EEPD1: variants seen among roughly 807,000 people sequenced by gnomAD.
EEPD1 encodes the protein endonuclease/exonuclease/phosphatase family domain containing 1.
A neutral mutation model predicts 46.3 loss-of-function variants in EEPD1; 17 were observed. The observed-to-expected ratio is 0.37, with a 90% CI of 0.25 to 0.55. EEPD1 has a LOEUF of 0.55. EEPD1 is among the 20% of genes least tolerant of loss of function. The pLI, the probability that EEPD1 is intolerant of heterozygous loss-of-function variation, is 0.83. For missense variants in EEPD1, 673 were observed against 745.6 expected (o/e 0.90, Z 1.13); for synonymous variants, 313 against 315.6 (o/e 0.99, Z 0.09).
intron 3 of EEPD1, among the ~76,000 whole-genome samples, chr7:36,262,975 G>A (rs1786954205): frequency 1.3e-5 from 2 of 152,100 alleles, no homozygotes; most frequent in African/African-American, 4.8e-5. Flanking sequence ...GCTCTCTCCT[G>A]TCCTGCTCAT....
intron 6 of EEPD1, among the ~76,000 whole-genome samples, chr7:36,288,565 A>C (rs1787374463): frequency 6.6e-6 from 1 of 152,116 alleles, no homozygotes; most frequent in Non-Finnish European, 1.5e-5. Context: ...GTTCAAGAGC[A>C]GCTTGGGCAA....
At chr7:36,266,822 AG>A (rs1315543334) in intron 3 of EEPD1, among the ~76,000 whole-genome samples, 1 of 152,136 alleles carries the variant, frequency 6.6e-6, no homozygotes, top group Admixed American at 6.5e-5. Context: ...GTGCAAATGG[AG>A]TCATACAATA....
chr7:36,287,345 A>G (rs1171858040), intron 5 of EEPD1, among the ~76,000 whole-genome samples: 2 of 152,016 alleles, frequency 1.3e-5, no homozygotes, highest in East Asian at 1.9e-4. Flanking sequence ...GAAAGAAAAA[A>G]ACTCAAACAT....
At chr7:36,195,918 C>T (rs1208904072) in intron 2 of EEPD1, among the ~76,000 whole-genome samples, 1 of 152,110 alleles carries the variant, frequency 6.6e-6, no homozygotes, top group Non-Finnish European at 1.5e-5. Context: ...TGTCCTTAGG[C>T]GATTTCTTCA....
At chr7:36,242,972 A>C (rs1317376747) in intron 3 of EEPD1, among the ~76,000 whole-genome samples, 1 of 152,140 alleles carries the variant, frequency 6.6e-6, no homozygotes, top group Non-Finnish European at 1.5e-5. Flanking sequence ...GAATAAGATG[A>C]GTTCCTAAAG....
chr7:36,196,532 C>G (rs1033313284), intron 2 of EEPD1, among the ~76,000 whole-genome samples: 76 of 152,338 alleles, frequency 5.0e-4, no homozygotes, highest in Non-Finnish European at 9.3e-4. Flanking sequence ...CTGCGTCAGC[C>G]TGCCCAGTGC....
At chr7:36,230,155 C>T (rs1338874961) in intron 2 of EEPD1, among the ~76,000 whole-genome samples, 1 of 152,056 alleles carries the variant, frequency 6.6e-6, no homozygotes, top group African/African-American at 2.4e-5. Context: ...CAGGCCCTAC[C>T]AGCTGCTCAC....
chr7:36,206,436 G>T (rs531659872), intron 2 of EEPD1, among the ~76,000 whole-genome samples: 1 of 151,906 alleles, frequency 6.6e-6, no homozygotes, highest in Non-Finnish European at 1.5e-5. Flanking sequence ...CATTCTTTTT[G>T]TGTACTCTTC....
chr7:36,195,213 C>T (rs1410304116), intron 2 of EEPD1, among the ~76,000 whole-genome samples: 1 of 152,184 alleles, frequency 6.6e-6, no homozygotes, highest in Non-Finnish European at 1.5e-5. Flanking sequence ...AGACCAGACA[C>T]ATGCTGAGAC....
At chr7:36,289,872 C>G (rs1787401649) in intron 6 of EEPD1, among the ~76,000 whole-genome samples, 1 of 152,262 alleles carries the variant, frequency 6.6e-6, no homozygotes, top group Non-Finnish European at 1.5e-5. Flanking sequence ...ATCCATTCAT[C>G]TTCTGATAGA....
intron 2 of EEPD1, among the ~76,000 whole-genome samples, chr7:36,160,683 C>CGGGG (rs78161290): frequency 3.2e-5 from 4 of 126,386 alleles, no homozygotes; most frequent in African/African-American, 9.2e-5. Context: ...TGGTGGGGGG[C>CGGGG]GGGGCGTGCA....
chr7:36,262,926 A>C (rs900269169), intron 3 of EEPD1, among the ~76,000 whole-genome samples: 2 of 152,098 alleles, frequency 1.3e-5, no homozygotes, highest in African/African-American at 2.4e-5. Context: ...CCATCACCTG[A>C]TGGTCGCTTG....
At chr7:36,185,836 T>G (rs568932625) in intron 2 of EEPD1, among the ~76,000 whole-genome samples, 5 of 152,350 alleles carry the variant, frequency 3.3e-5, no homozygotes, top group African/African-American at 1.2e-4. Context: ...GCAGACATTG[T>G]GTGTTCTATA....
intron 2 of EEPD1, chr7:36,230,638 G>A (rs914764538): frequency 6.6e-6 from 1 of 152,158 alleles, no homozygotes; most frequent in Non-Finnish European, 1.5e-5. Flanking sequence ...TACTCCTCAG[G>A]AAGCCTCCCA....
chr7:36,189,244 ACTGGTTAATCCAATTTGC>A (rs1330809566), intron 2 of EEPD1, among the ~76,000 whole-genome samples: 4 of 152,200 alleles, frequency 2.6e-5, no homozygotes, highest in Admixed American at 2.6e-4. Context: ...CTATTTGCTG[ACTGGTTAATCCAATTTGC>A]AGAAGTTTCG....
intron 2 of EEPD1, among the ~76,000 whole-genome samples, chr7:36,156,976 C>T (rs1422525621): frequency 7.3e-6 from 1 of 137,242 alleles, no homozygotes; most frequent in South Asian, 2.3e-4. Context: ...GGAAAATATT[C>T]AGGAAAAAAA....
At chr7:36,233,900 G>A (rs1280065869) in intron 2 of EEPD1, among the ~76,000 whole-genome samples, 1 of 152,054 alleles carries the variant, frequency 6.6e-6, no homozygotes, top group Admixed American at 6.6e-5. Flanking sequence ...TTGTTTTTTG[G>A]TGGGTTTTTT....
intron 6 of EEPD1, among the ~76,000 whole-genome samples, chr7:36,288,027 G>C (rs1187095005): frequency 6.6e-6 from 1 of 152,154 alleles, no homozygotes; most frequent in East Asian, 1.9e-4. Flanking sequence ...CATTTAGATA[G>C]AAAGGATTAG....
rs901085217 is a variant in EEPD1 at position 36,154,898 on chromosome 7, C to G, written c.574C>G (p.Arg192Gly). 6.2e-7 allele frequency: 1 copy of G among 1,614,104 alleles called. No homozygotes were observed. The highest frequency in any genetic ancestry group is 8.5e-7 in the Non-Finnish European group (1 of 1,180,020). ...GINAAFLDRI[R>G]HQVFAERSRP... ...CAATGCCGCCTTCCTGGACAGGATC[C>G]GGCACCAGGTGTTTGCTGAGAGGTC... Residue 192 changes from arginine (R) to glycine (G), a missense_variant, in exon 2 of 8, where the codon CGG becomes GGG. Physicochemically the swap from Arg to Gly is moderately radical, Grantham distance 125 (BLOSUM62 -2). Coordinates refer to ENST00000242108, the MANE Select transcript of EEPD1 (RefSeq NM_030636.3). The surrounding 1 kb of genome is among the most constrained non-coding windows in gnomAD (Gnocchi z 4.2).
Sources: gnomAD v4.1 joint callset for allele counts (sites outside exome capture counted in the v4.1 genomes callset) on GRCh38, gnomAD v4.1.1 for gene constraint, Gnocchi (gnomAD v3.1) non-coding constraint, MANE v1.5 for transcripts, NCBI Gene and HGNC (gene_info 2026-07-23, HGNC 2026-07-21) for gene names.